ANKRD12: variants seen among roughly 807,000 people sequenced by gnomAD.
The protein encoded by ANKRD12 is ankyrin repeat domain-containing protein 12.
ANKRD12 carries 85 observed loss-of-function variants against 183.4 expected under a neutral mutation model. That is an observed-to-expected ratio of 0.46 (90% confidence interval 0.39 to 0.56). The LOEUF is 0.56. Among genes scored for constraint, ANKRD12 ranks in the 20% least tolerant of loss-of-function variants. The probability of loss-of-function intolerance (pLI) is 0.00; values close to 1 mark genes in which losing one functional copy is unlikely to be tolerated. For missense variants in ANKRD12, 2,405 were observed against 2,357.1 expected, an observed-to-expected ratio of 1.02 and a Z score of -0.42; for synonymous variants, 914 against 800.2, an observed-to-expected ratio of 1.14 and a Z score of -2.40.
chr18:9,279,719 T>G, intron 12 of ANKRD12, 75 bp downstream of exon 12: 3 of 809,820 alleles, frequency 3.7e-6, no homozygotes, highest in Non-Finnish European at 5.9e-6. Context: ...ACAGCTGTAT[T>G]AGGGAGAAAT....
At chr18:9,261,482 T>C (rs1032198848) in intron 9 of ANKRD12, among the ~76,000 whole-genome samples, 4 of 152,200 alleles carry the variant, frequency 2.6e-5, no homozygotes, top group African/African-American at 9.6e-5. Flanking sequence ...TGTAAAGAAT[T>C]GTAAGAGAAA....
chr18:9,242,255 T>C (rs924912356), intron 8 of ANKRD12, among the ~76,000 whole-genome samples: 6 of 152,186 alleles, frequency 3.9e-5, no homozygotes, highest in Non-Finnish European at 8.8e-5. Context: ...ATACCAAAGC[T>C]AATAGGTTTT....
At chr18:9,251,200 T>G (rs1009532542) in intron 8 of ANKRD12, among the ~76,000 whole-genome samples, 4 of 152,192 alleles carry the variant, frequency 2.6e-5, no homozygotes, top group African/African-American at 9.7e-5. Flanking sequence ...TGCCTATTAT[T>G]TTTTAAGAGA....
Position 9,255,593 on chromosome 18 carries a change from A to G in ANKRD12, c.2326A>G (p.Asn776Asp). 6.4e-7 allele frequency: 1 copy of G among 1,569,556 alleles called. No homozygotes were observed. Among genetic ancestry groups the G allele is most frequent in the South Asian group, 1.2e-5 (1 of 82,128 alleles). ...AAAAGATCTAAAAGAAGAGAGAGAA[A>G]ACATACCCACAGATAAAGACTCAGA... is the stretch of plus-strand genomic sequence containing the variant. ...KIKDLKEERE[N>D]IPTDKDSEFT... Residue 776 changes from asparagine to aspartate, a missense_variant, in exon 9 of 13, where the codon AAC becomes GAC. Transcript: ENST00000262126.
intron 1 of ANKRD12, among the ~76,000 whole-genome samples, chr18:9,171,801 C>A (rs186385168): frequency 1.3e-5 from 2 of 152,012 alleles, no homozygotes; most frequent in Middle Eastern, 3.4e-3. Context: ...TGGGTAGATA[C>A]CTGAAGTCAG....
At chr18:9,138,536 AC>A in intron 1 of ANKRD12, among the ~76,000 whole-genome samples, 1 of 152,150 alleles carries the variant, frequency 6.6e-6, no homozygotes, top group East Asian at 1.9e-4. Context: ...AAACAAACAA[AC>A]AAACAAACAA....
chr18:9,196,862 A>G (rs1450283756), intron 3 of ANKRD12, among the ~76,000 whole-genome samples: 1 of 151,966 alleles, frequency 6.6e-6, no homozygotes, highest in South Asian at 2.1e-4. Context: ...TTCCCCCCGA[A>G]GCATCCTAAG....
At chr18:9,143,243 A>G (rs1276541425) in intron 1 of ANKRD12, among the ~76,000 whole-genome samples, 3 of 152,240 alleles carry the variant, frequency 2.0e-5, no homozygotes, top group African/African-American at 7.2e-5. Flanking sequence ...GAATATCTCT[A>G]ACTGGGTCTT....
chr18:9,233,185 C>G (rs1451037775), intron 8 of ANKRD12, among the ~76,000 whole-genome samples: 16 of 151,756 alleles, frequency 1.1e-4, no homozygotes, highest in Admixed American at 1.1e-3. Flanking sequence ...ATTGTTTCTT[C>G]TGCTTGGTCT....
At chr18:9,175,148 G>A (rs796886921) in intron 1 of ANKRD12, among the ~76,000 whole-genome samples, 14 of 152,146 alleles carry the variant, frequency 9.2e-5, no homozygotes, top group African/African-American at 3.4e-4. Context: ...AGCATTTAAA[G>A]CATTGATTCT....
intron 8 of ANKRD12, among the ~76,000 whole-genome samples, chr18:9,234,169 C>T (rs528993295): frequency 6.6e-5 from 10 of 152,286 alleles, no homozygotes; most frequent in Admixed American, 6.5e-4. Context: ...GCCATGCCAC[C>T]AGTAGGGGCA....
intron 1 of ANKRD12, among the ~76,000 whole-genome samples, chr18:9,140,353 A>G (rs1334761783): frequency 6.6e-6 from 1 of 152,182 alleles, no homozygotes; most frequent in Non-Finnish European, 1.5e-5. Flanking sequence ...TGTTTTACAG[A>G]TAACTCCTGT....
intron 6 of ANKRD12, among the ~76,000 whole-genome samples, chr18:9,214,482 A>C (rs1567924222): frequency 6.6e-6 from 1 of 151,962 alleles, no homozygotes; most frequent in East Asian, 1.9e-4. Flanking sequence ...GACACAAATC[A>C]TCTCCACATA....
At chr18:9,230,659 T>C (rs567648950) in intron 8 of ANKRD12, among the ~76,000 whole-genome samples, 39 of 151,076 alleles carry the variant, frequency 2.6e-4, no homozygotes, top group Admixed American at 1.1e-3. Context: ...TTTCTTCTTT[T>C]TTTTTTTTTT....
chr18:9,205,330 TTAGTCC>T (rs1235456039), intron 4 of ANKRD12, among the ~76,000 whole-genome samples: 105 of 152,032 alleles, frequency 6.9e-4, no homozygotes, highest in Non-Finnish European at 7.8e-4. Flanking sequence ...TGATTTTTTT[TTAGTCC>T]CTGGGTGTCT....
intron 4 of ANKRD12, among the ~76,000 whole-genome samples, chr18:9,205,279 A>T (rs1411781108): frequency 6.6e-6 from 1 of 151,030 alleles, no homozygotes; most frequent in African/African-American, 2.4e-5. Context: ...GTCTTTTTTT[A>T]AATTGGCTAA....
chr18:9,252,418 G>T (rs1171826871), intron 8 of ANKRD12, among the ~76,000 whole-genome samples: 3 of 152,164 alleles, frequency 2.0e-5, no homozygotes, highest in Middle Eastern at 3.2e-3. Context: ...GTGTGGCCCA[G>T]GTTCCAGAGC....
intron 4 of ANKRD12, among the ~76,000 whole-genome samples, chr18:9,207,657 C>T (rs1293902790): frequency 2.0e-5 from 3 of 151,828 alleles, no homozygotes; most frequent in African/African-American, 7.2e-5. Context: ...ACTACTAAGC[C>T]TTTCCTTTTC....
In ANKRD12 at chr18:9,255,712, A is replaced by G. The variant is rs761642376; in HGVS notation, c.2445A>G (p.Ile815Met). The G allele has an allele frequency of 2.5e-6, 4 of 1,598,566 alleles. 1 individual carries two copies. The South Asian group carries it at 4.6e-5, about 18-fold the overall frequency. ...EIDIEKQEKH[I>M]KESKEKPEKR... The stretch of plus-strand genomic sequence containing the variant: ...ACATTGAAAAACAAGAAAAGCATAT[A>G]AAGGAAAGTAAAGAAAAACCTGAGA... Residue 815 changes from isoleucine (I) to methionine (M), a missense_variant, in exon 9 of 13, where the codon ATA becomes ATG. This residue lies in a region of ANKRD12 where 1,983 missense variants were observed against 1,725.9 expected (regional missense o/e 1.15). Transcript: ENST00000262126.
Sources: allele counts gnomAD v4.1 joint callset (sites outside exome capture counted in the v4.1 genomes callset), GRCh38; gene constraint gnomAD v4.1.1; regional missense constraint gnomAD v4.1.1; transcripts MANE v1.5; gene names NCBI Gene and HGNC (gene_info 2026-07-23, HGNC 2026-07-21).